ELF2: variants seen among roughly 807,000 people sequenced by gnomAD.
ELF2 encodes the protein E74 like ETS transcription factor 2.
A neutral mutation model predicts 54.8 loss-of-function variants in ELF2; 11 were observed. The ratio of observed to expected loss-of-function variants is 0.20; its 90% CI spans 0.13 to 0.33. The LOEUF (loss-of-function observed/expected upper bound fraction) is 0.33, where lower values mean the gene tolerates loss of function less well. ELF2 is among the 10% of genes least tolerant of loss of function. ELF2 has a pLI of 1.00. For missense variants in ELF2, 513 were observed against 703.0 expected, an observed-to-expected ratio of 0.73 and a Z score of 3.06; for synonymous variants, 203 against 245.1, an observed-to-expected ratio of 0.83 and a Z score of 1.61.
At chr4:139,147,057 C>G (rs1293232581) in intron 1 of ELF2, among the ~76,000 whole-genome samples, 1 of 152,064 alleles carries the variant, frequency 6.6e-6, no homozygotes, top group Non-Finnish European at 1.5e-5. Flanking sequence ...GGCTTCTGTA[C>G]AGCAAAAAAT....
Position 139,161,596 on chromosome 4 carries a change from G to A in ELF2, c.-252+15371C>T, listed in dbSNP as rs902888508. Among the ~76,000 whole-genome samples the A allele has an allele frequency of 8.7e-5, 12 of 138,324 alleles. No individual in the cohort carries two copies. The East Asian group carries it at 2.7e-3, about 32-fold the overall frequency. The allele number at this position is 138,324 out of a possible 152,430, so 90.7% of individuals were successfully genotyped here. ...GGGCGAACAGGAAAGTAACCTGAAT[G>A]ACGACTAGCTTTGTCTAATATCTCA... On this transcript the variant is annotated intron_variant, in intron 1 of 9. Transcript: ENST00000686138.
rs150551865 is a variant in ELF2 at position 139,116,090 on chromosome 4, T to G, written c.238+9074A>C. Among the ~76,000 whole-genome samples the G allele has an allele frequency of 2.6e-3, 402 of 152,318 alleles. 2 individuals carry two copies. The highest frequency in any genetic ancestry group is 9.3e-3 in the African/African-American group (388 of 41,556). ...GACTCCTGACCTCGGCTTCCCAAAGTGCTGGGATTACAGGCTTGAGCCACT... is the reference window on the plus strand; with the variant it reads ...GACTCCTGACCTCGGCTTCCCAAAGGGCTGGGATTACAGGCTTGAGCCACT... On this transcript the variant is annotated intron_variant, in intron 4 of 9. Transcript: ENST00000686138.
chr4:139,084,397 A>G, intron 4 of ELF2: 3 of 1,412,680 alleles, frequency 2.1e-6, no homozygotes, highest in Non-Finnish European at 2.8e-6. Flanking sequence ...GGGCTGAGAA[A>G]CCCCACCACC....
chr4:139,087,503 T>C (rs543411636), intron 4 of ELF2, among the ~76,000 whole-genome samples: 4 of 152,338 alleles, frequency 2.6e-5, no homozygotes, highest in African/African-American at 9.6e-5. Context: ...TCTCGCTCTG[T>C]TGCCCAGGCT....
At chr4:139,080,947 A>G (rs964968852) in intron 4 of ELF2, among the ~76,000 whole-genome samples, 13 of 151,820 alleles carry the variant, frequency 8.6e-5, no homozygotes, top group African/African-American at 2.2e-4. Flanking sequence ...ATATTAGAAA[A>G]AAAAAAAAAA....
At chr4:139,174,341 T>G (rs939441788) in intron 1 of ELF2, among the ~76,000 whole-genome samples, 1 of 152,124 alleles carries the variant, frequency 6.6e-6, no homozygotes, top group African/African-American at 2.4e-5. Flanking sequence ...AAGACCGCAT[T>G]TATGGTTTCA....
intron 1 of ELF2, among the ~76,000 whole-genome samples, chr4:139,159,411 G>C (rs1740874080): frequency 6.6e-6 from 1 of 152,212 alleles, no homozygotes; most frequent in Admixed American, 6.5e-5. Flanking sequence ...GCTGGAAGGA[G>C]ATCCTTGGTC....
At chr4:139,167,221 CA>C (rs1741816932) in intron 1 of ELF2, among the ~76,000 whole-genome samples, 2 of 152,056 alleles carry the variant, frequency 1.3e-5, no homozygotes, top group Non-Finnish European at 2.9e-5. Flanking sequence ...GTTATATTAC[CA>C]AGACTTTGAC....
At chr4:139,066,918 CT>C (rs973656683) in intron 7 of ELF2, 2 of 152,096 alleles carry the variant, frequency 1.3e-5, no homozygotes, top group African/African-American at 4.8e-5. Flanking sequence ...ACTGATGTGA[CT>C]GACATTTATT....
At chr4:139,063,259 G>C (rs28412892) in intron 7 of ELF2, among the ~76,000 whole-genome samples, 10,927 of 151,508 alleles carry the variant, frequency 0.072, 460 homozygotes, top group African/African-American at 0.12. Flanking sequence ...CCCTGTCACA[G>C]GAAAAAAGAA....
At chr4:139,163,218 T>C (rs1386435879) in intron 1 of ELF2, among the ~76,000 whole-genome samples, 2 of 152,314 alleles carry the variant, frequency 1.3e-5, no homozygotes, top group Middle Eastern at 3.4e-3. Context: ...TAATTCTGTA[T>C]ATGAAGTGTA....
chr4:139,162,847 A>G (rs1029933534), intron 1 of ELF2, among the ~76,000 whole-genome samples: 2 of 152,188 alleles, frequency 1.3e-5, no homozygotes, highest in Non-Finnish European at 2.9e-5. Flanking sequence ...CTGCAATCCC[A>G]GCACTTTCAA....
chr4:139,093,132 A>AT (rs1732861359), intron 4 of ELF2, among the ~76,000 whole-genome samples: 1 of 151,510 alleles, frequency 6.6e-6, no homozygotes, highest in Non-Finnish European at 1.5e-5. Flanking sequence ...CGCCCGGCTA[A>AT]TTTTTTGTAT....
intron 4 of ELF2, among the ~76,000 whole-genome samples, chr4:139,108,489 A>G (rs1734639144): frequency 6.6e-6 from 1 of 152,140 alleles, no homozygotes; most frequent in Admixed American, 6.6e-5. Flanking sequence ...AGCACTCTAG[A>G]ACAGAAACAG....
intron 4 of ELF2, chr4:139,117,886 G>A (rs1052546526): frequency 1.3e-5 from 2 of 155,598 alleles, no homozygotes; most frequent in Middle Eastern, 8.0e-4. Flanking sequence ...CCCGGGAGGC[G>A]GAGGTTGCAG....
intron 1 of ELF2, among the ~76,000 whole-genome samples, chr4:139,171,750 C>T (rs1742334394): frequency 6.6e-6 from 1 of 152,106 alleles, no homozygotes; most frequent in Non-Finnish European, 1.5e-5. Context: ...TGGTGAAACC[C>T]CGTCTCCACT....
Position 139,137,868 on chromosome 4 carries a change from C to A in ELF2, c.-166-1G>T. On this transcript the variant is annotated splice_acceptor_variant, in intron 2 of 9. Transcript: ENST00000686138. LOFTEE classifies it low-confidence loss of function (5UTR_SPLICE). Reference sequence around the variant, plus strand: ...TTCTAAAGATGATTAACCAGAAAGCCTAAAAAGAGGAAGAATTTGAAAAGT... The same window carrying A: ...TTCTAAAGATGATTAACCAGAAAGCATAAAAAGAGGAAGAATTTGAAAAGT... 9 of 1,297,454 alleles carry A rather than the reference C, an allele frequency of 6.9e-6. No homozygotes were observed. The highest frequency in any genetic ancestry group is 8.8e-6 in the Non-Finnish European group (9 of 1,022,858). 80.4% of individuals were successfully genotyped at this position (1,297,454 alleles called of 1,614,324 possible). A position where few individuals can be genotyped will look rare whatever the true frequency, so the allele number is the denominator to read the frequency against.
Position 139,059,419 on chromosome 4 carries a change from C to T in ELF2, c.1346G>A (p.Gly449Glu). The T allele has an allele frequency of 1.9e-6, 3 of 1,613,950 alleles. No homozygotes were observed. Among genetic ancestry groups the T allele is most frequent in the Non-Finnish European group, 1.7e-6 (2 of 1,179,852 alleles). The change falls in exon 10 of 10, where the codon GGA becomes GAA. Residue 449 changes from glycine (G) to glutamate (E), a missense_variant. Physicochemically the swap from Gly to Glu is moderately conservative, Grantham distance 98 (BLOSUM62 -2). Coordinates refer to ENST00000686138, the MANE Select transcript of ELF2 (RefSeq NM_001331036.3). ...PTVMPASTEN[G>E]DKITMQPAKI... ...GGCAGGCTGCATGGTGATTTTGTCT[C>T]CATTTTCAGTAGAAGCTGGCATCAC... is the stretch of plus-strand genomic sequence containing the variant.
In ELF2 at chr4:139,059,600, G is replaced by A. The variant is rs754750921; in HGVS notation, c.1165C>T (p.Arg389Cys). The change falls in exon 10 of 10, where the codon CGT becomes TGT. Residue 389 changes from arginine (R) to cysteine (C), a missense_variant. By Grantham distance (180) the Arg-to-Cys change is radical. Transcript: ENST00000686138. ...VSATAAPRTV[R>C]VAMQVPVVMT... is the part of the protein sequence containing the mutation. ...ACAACAGGTACCTGCATTGCCACAC[G>A]AACTGTCCTAGTACATTAGAAAGAA... 9 of 1,610,240 alleles carry A rather than the reference G, an allele frequency of 5.6e-6. No individual in the cohort carries two copies. In the Admixed American group the frequency reaches 8.3e-5, roughly 15 times the overall value.
Sources: gnomAD v4.1 joint callset for allele counts (sites outside exome capture counted in the v4.1 genomes callset) on GRCh38, gnomAD v4.1.1 for gene constraint, MANE v1.5 for transcripts, NCBI Gene and HGNC (gene_info 2026-07-23, HGNC 2026-07-21) for gene names.